The following OPCML variants were observed in gnomAD, a reference collection of about 807,000 sequenced individuals.
OPCML encodes the protein opioid-binding protein/cell adhesion molecule.
OPCML carries 13 observed loss-of-function variants against 37.8 expected under a neutral mutation model. That is an observed-to-expected ratio of 0.34 (90% CI 0.22 to 0.55). OPCML has a LOEUF of 0.55. Ranked by LOEUF, OPCML falls within the 20% of genes least tolerant of loss-of-function variation. OPCML has a pLI of 0.91. For synonymous variants in OPCML, 176 were observed against 168.8 expected (o/e 1.04, Z -0.33); for missense variants, 341 against 435.6 (o/e 0.78, Z 1.93).
intron 1 of OPCML, among the ~76,000 whole-genome samples, chr11:133,281,451 G>A (rs975813529): frequency 9.9e-5 from 15 of 152,068 alleles, no homozygotes; most frequent in African/African-American, 3.4e-4. Context: ...GCCATGACTG[G>A]TAAATTCCTG....
intron 4 of OPCML, among the ~76,000 whole-genome samples, chr11:132,522,823 C>T (rs558668795): frequency 1.3e-5 from 2 of 152,250 alleles, no homozygotes; most frequent in African/African-American, 2.4e-5. Flanking sequence ...TACACAAGTG[C>T]GGGTCAGTGC....
intron 2 of OPCML, among the ~76,000 whole-genome samples, chr11:132,829,529 C>T (rs768843196): frequency 3.4e-4 from 52 of 152,268 alleles, no homozygotes; most frequent in Non-Finnish European, 7.5e-4. Flanking sequence ...TTGAGAAGGG[C>T]CTCTGACTTC....
At chr11:132,522,821 T>G (rs1030237571) in intron 4 of OPCML, among the ~76,000 whole-genome samples, 1 of 152,208 alleles carries the variant, frequency 6.6e-6, no homozygotes, top group Non-Finnish European at 1.5e-5. Flanking sequence ...TATACACAAG[T>G]GCGGGTCAGT....
chr11:133,147,802 T>C (rs1949918599), intron 1 of OPCML, among the ~76,000 whole-genome samples: 1 of 152,196 alleles, frequency 6.6e-6, no homozygotes, highest in Admixed American at 6.5e-5. Flanking sequence ...ATTCACCGGT[T>C]CACACTGTTA....
chr11:132,495,604 G>T (rs576239675), intron 4 of OPCML, among the ~76,000 whole-genome samples: 1 of 152,194 alleles, frequency 6.6e-6, no homozygotes, highest in African/African-American at 2.4e-5. Flanking sequence ...TAAAATGTTT[G>T]CTCTTGGCCT....
At chr11:133,304,641 T>A (rs541564801) in intron 1 of OPCML, among the ~76,000 whole-genome samples, 3 of 152,162 alleles carry the variant, frequency 2.0e-5, no homozygotes, top group African/African-American at 7.2e-5. Context: ...AGCAAAAGTG[T>A]GAAAACATGG....
chr11:133,467,756 A>T (rs1947009442), intron 1 of OPCML, among the ~76,000 whole-genome samples: 1 of 152,128 alleles, frequency 6.6e-6, no homozygotes, highest in African/African-American at 2.4e-5. Flanking sequence ...TTCTTCTGTG[A>T]CACTACCAAT....
At position 133,433,176 on chromosome 11, in the gene OPCML, C is replaced by T. The variant is rs904034686; in HGVS notation, c.61+99088G>A. Among the ~76,000 whole-genome samples, 3 of 146,836 alleles carry T rather than the reference C, an allele frequency of 2.0e-5. No individual in the cohort carries two copies. In the East Asian group the frequency reaches 5.9e-4, roughly 29 times the overall value. ...TATTACTAGGAGAATGGCGTGAACC[C>T]GGGAGGCGGAGCTTGCAGTGAGCCG... On this transcript the variant is annotated intron_variant, in intron 1 of 7. Coordinates refer to ENST00000524381, the MANE Select transcript of OPCML (RefSeq NM_001012393.5).
intron 7 of OPCML, among the ~76,000 whole-genome samples, chr11:132,425,398 T>C (rs1399437520): frequency 6.6e-6 from 1 of 152,226 alleles, no homozygotes; most frequent in Non-Finnish European, 1.5e-5. Context: ...GAGTCAGAAC[T>C]GAATTTGAAT....
intron 2 of OPCML, among the ~76,000 whole-genome samples, chr11:132,895,506 C>T (rs1323453641): frequency 6.6e-6 from 1 of 152,178 alleles, no homozygotes; most frequent in East Asian, 1.9e-4. Flanking sequence ...TGAATCACAG[C>T]AAAAGCTGAA....
At chr11:132,470,641 T>A (rs188466848) in intron 4 of OPCML, among the ~76,000 whole-genome samples, 1 of 152,292 alleles carries the variant, frequency 6.6e-6, no homozygotes, top group East Asian at 1.9e-4. Flanking sequence ...GCCACTCATG[T>A]CTGTTGAGTA....
At chr11:132,987,707 G>T (rs1471250839) in intron 1 of OPCML, among the ~76,000 whole-genome samples, 1 of 152,084 alleles carries the variant, frequency 6.6e-6, no homozygotes, top group Admixed American at 6.5e-5. Context: ...AGAAATGAAT[G>T]AATGCGTGGA....
intron 1 of OPCML, among the ~76,000 whole-genome samples, chr11:132,944,379 G>C (rs1379971280): frequency 2.0e-5 from 3 of 152,140 alleles, no homozygotes; most frequent in Non-Finnish European, 4.4e-5. Flanking sequence ...ATCGCGCTGC[G>C]AACGGCTCCC....
intron 1 of OPCML, among the ~76,000 whole-genome samples, chr11:133,250,939 C>A (rs1455688991): frequency 6.6e-6 from 1 of 152,048 alleles, no homozygotes; most frequent in East Asian, 1.9e-4. Flanking sequence ...CAGCACACTG[C>A]CACACCAAGC....
chr11:132,453,128 T>C (rs1031612961), intron 4 of OPCML, among the ~76,000 whole-genome samples: 3 of 152,248 alleles, frequency 2.0e-5, no homozygotes, highest in Admixed American at 6.5e-5. Flanking sequence ...GCCCCTCATC[T>C]GGGTTCCTGT....
chr11:133,100,314 CTAAAA>C (rs1396315045), intron 1 of OPCML, among the ~76,000 whole-genome samples: 1 of 152,076 alleles, frequency 6.6e-6, no homozygotes, highest in East Asian at 1.9e-4. Context: ...CCCCTTGAAC[CTAAAA>C]TAAAAGTTAT....
chr11:133,502,699 C>T (rs1947942628), intron 1 of OPCML, among the ~76,000 whole-genome samples: 1 of 152,222 alleles, frequency 6.6e-6, no homozygotes, highest in African/African-American at 2.4e-5. Flanking sequence ...TCCAAGTCCT[C>T]AGGTACCACA....
intron 1 of OPCML, among the ~76,000 whole-genome samples, chr11:133,115,866 T>C (rs571806294): frequency 6.6e-6 from 1 of 152,200 alleles, no homozygotes; most frequent in Admixed American, 6.5e-5. Context: ...ATATAAGTAA[T>C]TGAGAATAAA....
chr11:133,483,208 T>C (rs145032852), intron 1 of OPCML, among the ~76,000 whole-genome samples: 1 of 152,218 alleles, frequency 6.6e-6, no homozygotes, highest in African/African-American at 2.4e-5. Context: ...AATACCAGTT[T>C]GTATCTGGAA....
Sources: gnomAD v4.1 joint callset for allele counts (sites outside exome capture counted in the v4.1 genomes callset) on GRCh38, gnomAD v4.1.1 for gene constraint, MANE v1.5 for transcripts, NCBI Gene and HGNC (gene_info 2026-07-23, HGNC 2026-07-21) for gene names.